The following SORCS1 variants were observed in gnomAD, a reference collection of about 807,000 sequenced individuals.
The protein encoded by SORCS1 is sortilin related VPS10 domain containing receptor 1, also known as VPS10 domain-containing receptor SorCS1.
Under a neutral mutation model 146.1 loss-of-function variants are expected in SORCS1, and 60 were observed. That is an observed-to-expected ratio of 0.41 (90% CI 0.33 to 0.51). The LOEUF (loss-of-function observed/expected upper bound fraction) is 0.51, where lower values mean the gene tolerates loss of function less well. Ranked by LOEUF, SORCS1 falls within the 20% of genes least tolerant of loss-of-function variation. The pLI is 0.21. For missense variants in SORCS1, 1,352 were observed against 1,487.6 expected, an observed-to-expected ratio of 0.91 and a Z score of 1.50; for synonymous variants, 637 against 584.0, an observed-to-expected ratio of 1.09 and a Z score of -1.31.
At chr10:106,649,300 C>T (rs1039242096) in intron 18 of SORCS1, among the ~76,000 whole-genome samples, 2 of 152,142 alleles carry the variant, frequency 1.3e-5, no homozygotes, top group Non-Finnish European at 2.9e-5. Context: ...ACATTCACCC[C>T]TAGACACTGC....
intron 1 of SORCS1, among the ~76,000 whole-genome samples, chr10:106,995,986 T>C (rs564489902): frequency 1.1e-4 from 16 of 152,124 alleles, no homozygotes; most frequent in African/African-American, 3.1e-4. Flanking sequence ...CGCAGCACTT[T>C]GGGAGGCCGA....
chr10:106,747,073 C>T (rs1857796906), intron 5 of SORCS1, among the ~76,000 whole-genome samples: 1 of 152,186 alleles, frequency 6.6e-6, no homozygotes, highest in Admixed American at 6.5e-5. Context: ...TATTTGTCTT[C>T]TGGGATTTAG....
chr10:107,004,161 G>C, intron 1 of SORCS1, among the ~76,000 whole-genome samples: 1 of 122,660 alleles, frequency 8.2e-6, no homozygotes, highest in East Asian at 2.5e-4. Flanking sequence ...GGGCGACAGA[G>C]TGTGATCCCA....
chr10:107,118,990 G>A (rs1346464784), intron 1 of SORCS1, among the ~76,000 whole-genome samples: 1 of 152,146 alleles, frequency 6.6e-6, no homozygotes, highest in Non-Finnish European at 1.5e-5. Flanking sequence ...CTATGCAGAT[G>A]AGAACTCCCA....
At chr10:106,607,409 G>C (rs1846679872) in intron 22 of SORCS1, 112 bp from the exon 23 acceptor site, 4 of 1,392,270 alleles carry the variant, frequency 2.9e-6, no homozygotes, top group Non-Finnish European at 3.8e-6. Context: ...CAAGGGGCCT[G>C]AAAGCAGAGG....
intron 1 of SORCS1, among the ~76,000 whole-genome samples, chr10:107,089,621 A>T (rs1228876870): frequency 6.6e-6 from 1 of 152,200 alleles, no homozygotes; most frequent in Non-Finnish European, 1.5e-5. Flanking sequence ...TTCTTATATA[A>T]ATAAATTAAG....
the SORCS1 span, among the ~76,000 whole-genome samples, chr10:107,170,769 T>C: frequency 3.9e-5 from 6 of 152,198 alleles, no homozygotes; most frequent in Non-Finnish European, 7.3e-5. Flanking sequence ...AGTCCAGATA[T>C]TCCCAACAGT....
chr10:106,865,549 C>A (rs943226501), intron 2 of SORCS1, among the ~76,000 whole-genome samples: 3 of 151,894 alleles, frequency 2.0e-5, no homozygotes, highest in Non-Finnish European at 1.5e-5. Context: ...CATGGTGAAA[C>A]CCCATCTCTA....
At chr10:106,882,889 G>GACT (rs939187057) in intron 2 of SORCS1, among the ~76,000 whole-genome samples, 15 of 152,218 alleles carry the variant, frequency 9.9e-5, no homozygotes, top group African/African-American at 2.6e-4. Flanking sequence ...AACACTGAAT[G>GACT]ACTCCATTTC....
At chr10:106,685,849 G>A (rs1852789214) in intron 10 of SORCS1, among the ~76,000 whole-genome samples, 1 of 152,172 alleles carries the variant, frequency 6.6e-6, no homozygotes. Context: ...TTTTTCAAAA[G>A]TTCAAGTTGA....
chr10:106,957,165 G>GTTTTTTTTTTTTTTTTTTTTTTTTTTTT (rs374081494), intron 1 of SORCS1, among the ~76,000 whole-genome samples: 1 of 138,038 alleles, frequency 7.2e-6, no homozygotes. Context: ...GTTTTTTTTT[G>GTTTTTTTTTTTTTTTTTTTTTTTTTTTT]TTTTTTTTGT....
At chr10:106,736,053 T>C (rs527267466) in intron 5 of SORCS1, among the ~76,000 whole-genome samples, 1 of 152,228 alleles carries the variant, frequency 6.6e-6, no homozygotes, top group African/African-American at 2.4e-5. Context: ...TAAAAACAAA[T>C]CACACTCTGA....
At chr10:107,102,893 T>C (rs1271568123) in intron 1 of SORCS1, among the ~76,000 whole-genome samples, 1 of 152,216 alleles carries the variant, frequency 6.6e-6, no homozygotes, top group Non-Finnish European at 1.5e-5. Flanking sequence ...GCATTATGCT[T>C]ACCCTACTGA....
Position 107,163,905 on chromosome 10 carries a change from C to T in SORCS1, c.558+64G>A, listed in dbSNP as rs143542993. 63 of 1,531,474 alleles carry T rather than the reference C, an allele frequency of 4.1e-5. 1 individual carries two copies. Among genetic ancestry groups the T allele is most frequent in the Middle Eastern group, 1.7e-4 (1 of 5,754 alleles). 94.9% of individuals were successfully genotyped at this position (1,531,474 alleles called of 1,614,324 possible). ...ATTTCCCCCCAATTCTCCATCAGAT[C>T]ACACAGCCGACTTTAACCCTTTCCA... On this transcript the variant is annotated intron_variant, in intron 1 of 25. Coordinates refer to ENST00000263054, the MANE Select transcript of SORCS1 (RefSeq NM_052918.5).
intron 4 of SORCS1, among the ~76,000 whole-genome samples, chr10:106,772,375 G>C (rs780107280): frequency 4.6e-5 from 7 of 151,948 alleles, no homozygotes; most frequent in Non-Finnish European, 1.0e-4. Flanking sequence ...TGGCATTCTT[G>C]GTTGTCCAGC....
In SORCS1 at chr10:106,944,125, C is replaced by G. The variant is rs534782861; in HGVS notation, c.626+12388G>C. Reference sequence around the variant, plus strand: ...TTCTTGTTTCACTGACTACTTTGTTCATGGTCACCAGTTTTGTTCTTTGCC... The same window carrying G: ...TTCTTGTTTCACTGACTACTTTGTTGATGGTCACCAGTTTTGTTCTTTGCC... On this transcript the variant is annotated intron_variant, in intron 2 of 25. Transcript: ENST00000263054. Among the ~76,000 whole-genome samples the G allele has an allele frequency of 1.6e-4, 25 of 152,304 alleles. No individual in the cohort carries two copies. The South Asian group carries it at 5.2e-3, about 32-fold the overall frequency.
chr10:106,784,173 A>G (rs1589869097), intron 3 of SORCS1, among the ~76,000 whole-genome samples: 1 of 152,152 alleles, frequency 6.6e-6, no homozygotes, highest in Non-Finnish European at 1.5e-5. Context: ...AGGCAGGCGG[A>G]TCATGAGGTC....
At chr10:107,030,388 T>A (rs2133926229) in intron 1 of SORCS1, among the ~76,000 whole-genome samples, 1 of 152,326 alleles carries the variant, frequency 6.6e-6, no homozygotes, top group South Asian at 2.1e-4. Context: ...AAATATCTTG[T>A]CTGAGGTCAA....
intron 5 of SORCS1, among the ~76,000 whole-genome samples, chr10:106,747,966 ATC>A (rs777068400): frequency 2.0e-5 from 3 of 152,186 alleles, no homozygotes; most frequent in Non-Finnish European, 4.4e-5. Context: ...CATTCCCATC[ATC>A]TGTCCTACAT....
Sources: gnomAD v4.1 joint callset for allele counts (sites outside exome capture counted in the v4.1 genomes callset) on GRCh38, gnomAD v4.1.1 for gene constraint, MANE v1.5 for transcripts, NCBI Gene and HGNC (gene_info 2026-07-23, HGNC 2026-07-21) for gene names.